Variants in EFHC2 observed in about 807,000 individuals in gnomAD.
EFHC2 encodes the protein EF-hand domain-containing family member C2.
EFHC2 carries 18 observed loss-of-function variants against 52.7 expected under a neutral mutation model. The ratio of observed to expected loss-of-function variants is 0.34; its 90% CI spans 0.24 to 0.51. The LOEUF (loss-of-function observed/expected upper bound fraction) is 0.51. EFHC2 is among the 20% of genes least tolerant of loss of function. The probability of loss-of-function intolerance (pLI) is 0.97; values close to 1 mark genes in which losing one functional copy is unlikely to be tolerated. For missense variants in EFHC2, 513 were observed against 562.5 expected (o/e 0.91, Z 0.89); for synonymous variants, 203 against 204.1 (o/e 0.99, Z 0.04).
rs780185677 is a variant in EFHC2 at position 44,202,212 on chromosome X, A to G, written c.1752-23648T>C. 1.5e-4 allele frequency among the ~76,000 whole-genome samples: 17 copies of G among 111,968 alleles called. 1 individual carries two copies. The highest frequency in any genetic ancestry group is 4.6e-3 in the Middle Eastern group (1 of 217). On this transcript the variant is annotated intron_variant, in intron 11 of 14. Coordinates refer to ENST00000420999, the MANE Select transcript of EFHC2 (RefSeq NM_025184.4). ...GGGTGGATCACAAGGTCAGGAGTCCAAGACCAGCCTGGCAAGATGGTGAAA... is the reference window on the plus strand; with the variant it reads ...GGGTGGATCACAAGGTCAGGAGTCCGAGACCAGCCTGGCAAGATGGTGAAA...
At chrX:44,247,326 A>T (rs2037407973) in intron 7 of EFHC2, among the ~76,000 whole-genome samples, 1 of 112,189 alleles carries the variant, frequency 8.9e-6, no homozygotes, top group Admixed American at 9.4e-5. Context: ...GCGGACAACA[A>T]GACACATAAC....
At position 44,154,212 on chromosome X, in the gene EFHC2, G is replaced by A. The variant is rs1224776876; in HGVS notation, c.2149-5316C>T. 2.7e-5 allele frequency among the ~76,000 whole-genome samples: 3 copies of A among 112,836 alleles called. No individual in the cohort carries two copies. The East Asian group carries it at 8.4e-4, about 32-fold the overall frequency. On this transcript the variant is annotated intron_variant, in intron 14 of 14. Transcript: ENST00000420999. The stretch of plus-strand genomic sequence containing the variant: ...AGCACCTGGGTTCCTTTGCCCTTGG[G>A]CTTCTCTTTGGCCTCTGAGGCTTGC...
intron 2 of EFHC2, among the ~76,000 whole-genome samples, chrX:44,301,959 G>A (rs772376375): frequency 2.7e-5 from 3 of 111,941 alleles, no homozygotes; most frequent in Non-Finnish European, 5.6e-5. Context: ...TGGCTACTAC[G>A]AATAATGATG....
At chrX:44,270,000 T>A (rs939538500) in intron 3 of EFHC2, among the ~76,000 whole-genome samples, 4 of 111,613 alleles carry the variant, frequency 3.6e-5, no homozygotes, top group Non-Finnish European at 7.5e-5. Context: ...CCTTCCCCAA[T>A]TTTCTATTCC....
chrX:44,285,160 C>CAGA (rs1186170370), intron 2 of EFHC2: 3 of 111,780 alleles, frequency 2.7e-5, no homozygotes, highest in African/African-American at 9.8e-5. Context: ...GCAGCAGCAG[C>CAGA]AGAAGCAACA....
intron 14 of EFHC2, among the ~76,000 whole-genome samples, chrX:44,158,069 C>T (rs1268631993): frequency 2.7e-5 from 3 of 111,165 alleles, no homozygotes; most frequent in African/African-American, 9.8e-5. Flanking sequence ...TTGGCTGAAG[C>T]CTGTGGTCTT....
chrX:44,302,840 C>T (rs1415303814), intron 2 of EFHC2, among the ~76,000 whole-genome samples: 1 of 111,519 alleles, frequency 9.0e-6, no homozygotes, highest in Non-Finnish European at 1.9e-5. Context: ...TTTGAAATTT[C>T]GGGTATGGTT....
chrX:44,303,151 C>A (rs2037880155), intron 2 of EFHC2, among the ~76,000 whole-genome samples: 1 of 111,161 alleles, frequency 9.0e-6, no homozygotes, highest in African/African-American at 3.3e-5. Context: ...ACAAGCTGGC[C>A]TGGCATCCAC....
chrX:44,292,831 C>A (rs2037802025), intron 2 of EFHC2, among the ~76,000 whole-genome samples: 1 of 110,404 alleles, frequency 9.1e-6, no homozygotes, highest in African/African-American at 3.3e-5. Flanking sequence ...CCTCACTCCC[C>A]CTTTGCCTTC....
chrX:44,166,827 T>G (rs1228655406), intron 13 of EFHC2, among the ~76,000 whole-genome samples: 1 of 111,558 alleles, frequency 9.0e-6, no homozygotes, highest in Non-Finnish European at 1.9e-5. Flanking sequence ...GTTCTACCAC[T>G]GTAGCATATA....
intron 2 of EFHC2, among the ~76,000 whole-genome samples, chrX:44,287,189 TA>T (rs2037757092): frequency 9.1e-6 from 1 of 109,990 alleles, no homozygotes; most frequent in South Asian, 3.8e-4. Context: ...ACCTCGTTTC[TA>T]AAAAAAAATT....
chrX:44,250,399 G>T lies in EFHC2; in HGVS notation c.653C>A (p.Thr218Asn), dbSNP rs1241134744. 7 of 1,208,239 alleles carry T rather than the reference G, an allele frequency of 5.8e-6. No individual in the cohort carries two copies. Among genetic ancestry groups the T allele is most frequent in the Non-Finnish European group, 7.8e-6 (7 of 894,093 alleles). Residue 218 changes from threonine (T) to asparagine (N), a missense_variant, in exon 5 of 15, where the codon ACC becomes AAC. Thr to Asn is a moderately conservative substitution (Grantham distance 65). Transcript: ENST00000420999. ...EPLRPYESLD[T>N]LKQFLQYHGK... ...ATGATACTGGAGGAACTGTTTCAGGGTGTCGAGGGATTCGTAGGGACGTAA... is the reference window on the plus strand; with the variant it reads ...ATGATACTGGAGGAACTGTTTCAGGTTGTCGAGGGATTCGTAGGGACGTAA...
At chrX:44,282,588 C>T (rs185161563) in intron 2 of EFHC2, among the ~76,000 whole-genome samples, 54 of 60,042 alleles carry the variant, frequency 9.0e-4, no homozygotes, top group African/African-American at 3.3e-3. Context: ...TGCAATCCAG[C>T]CTGGGCGACA....
chrX:44,274,001 T>C (rs2037636666), intron 2 of EFHC2, among the ~76,000 whole-genome samples: 2 of 112,224 alleles, frequency 1.8e-5, no homozygotes, highest in Non-Finnish European at 3.8e-5. Context: ...AGCATATTTT[T>C]ATCAGAAGCC....
rs1191900791 is a variant in EFHC2 at position 44,148,079 on chromosome X, C to T, written c.*716G>A. 1.8e-5 allele frequency: 2 copies of T among 110,579 alleles called. No individual in the cohort carries two copies. Among genetic ancestry groups the T allele is most frequent in the Non-Finnish European group, 3.8e-5 (2 of 52,929 alleles). 9.1% of individuals were successfully genotyped at this position (110,579 alleles called of 1,213,427 possible). On this transcript the variant is annotated 3_prime_UTR_variant, in exon 15 of 15. Transcript: ENST00000420999. Reference sequence around the variant, plus strand: ...AAAATCTCAAAATCTTCAGCTTTCACATTTGTAAATATTTTAGACATAATA... The same window carrying T: ...AAAATCTCAAAATCTTCAGCTTTCATATTTGTAAATATTTTAGACATAATA...
chrX:44,272,790 C>T lies in EFHC2; in HGVS notation c.278G>A (p.Ser93Asn). The change falls in exon 3 of 15, where the codon AGC (serine) becomes AAC (asparagine). Residue 93 changes from serine (S) to asparagine (N), a missense_variant. Coordinates refer to ENST00000420999, the MANE Select transcript of EFHC2 (RefSeq NM_025184.4). ...GTATCTTATTCTGTAGTTGGTTTGG[C>T]TTTTATCAAGTACTTCCTCTTCCAA... ...AYLEEEVLDKSQTNYRIRYYK... is the reference protein window; with the variant it reads ...AYLEEEVLDKNQTNYRIRYYK... 8.6e-7 allele frequency: 1 copy of T among 1,166,083 alleles called. No homozygotes were observed. Among genetic ancestry groups the T allele is most frequent in the African/African-American group, 1.8e-5 (1 of 56,401 alleles).
chrX:44,320,517 A>G (rs1459644132), intron 1 of EFHC2, among the ~76,000 whole-genome samples: 1 of 111,650 alleles, frequency 9.0e-6, no homozygotes. Context: ...ACTGCAGTCA[A>G]TTTATGATTT....
intron 7 of EFHC2, among the ~76,000 whole-genome samples, chrX:44,242,935 C>T (rs2037371327): frequency 8.9e-6 from 1 of 111,925 alleles, no homozygotes; most frequent in Non-Finnish European, 1.9e-5. Context: ...CAATTGCACT[C>T]AAATGCAATG....
intron 12 of EFHC2, among the ~76,000 whole-genome samples, chrX:44,178,110 G>A (rs921219032): frequency 6.5e-5 from 6 of 92,766 alleles, no homozygotes; most frequent in African/African-American, 2.5e-4. Flanking sequence ...TAGCCTGGGC[G>A]ACAGGGCCAG....
Sources: gnomAD v4.1 joint callset for allele counts (sites outside exome capture counted in the v4.1 genomes callset) on GRCh38, gnomAD v4.1.1 for gene constraint, MANE v1.5 for transcripts, NCBI Gene and HGNC (gene_info 2026-07-23, HGNC 2026-07-21) for gene names.